NKX6-1: variants seen among roughly 807,000 people sequenced by gnomAD.
NKX6-1 encodes NK6 homeobox 1, also known as homeobox protein Nkx-6.1.
In NKX6-1, 11 loss-of-function variants were observed where a neutral mutation model predicts 24.9. That is an observed-to-expected ratio of 0.44 (90% CI 0.28 to 0.73). The LOEUF is 0.73. NKX6-1 is among the 30% of genes least tolerant of loss of function. The pLI, the probability that NKX6-1 is intolerant of heterozygous loss-of-function variation, is 0.15. For missense variants in NKX6-1, 487 were observed against 502.9 expected (o/e 0.97, Z 0.30); for synonymous variants, 277 against 242.9 (o/e 1.14, Z -1.31).
In NKX6-1 at chr4:84,493,417, A is replaced by G; in HGVS notation, c.976T>C (p.Tyr326His). Residue 326 changes from tyrosine (Y) to histidine (H), a missense_variant, in exon 3 of 3, where the codon TAC (tyrosine) becomes CAC (histidine). This residue lies in a region of NKX6-1 where 126 missense variants were observed against 105.5 expected (regional missense o/e 1.19). Transcript: ENST00000295886. This position sits in a 1 kb window ranked among gnomAD's most constrained non-coding sequence, Gnocchi z 5.1. ...ASENEEEDDDYNKPLDPNSDD... is the reference protein window; with the variant it reads ...ASENEEEDDDHNKPLDPNSDD... ...GAGTTGGGATCCAGAGGCTTATTGT[A>G]GTCGTCGTCCTCTTCCTCGTTCTCC... 1 of 1,614,214 alleles carries G rather than the reference A, an allele frequency of 6.2e-7. No individual in the cohort carries two copies. The highest frequency in any genetic ancestry group is 8.5e-7 in the Non-Finnish European group (1 of 1,180,036).
chr4:84,495,468 G>A (rs1229775114), intron 2 of NKX6-1, among the ~76,000 whole-genome samples: 1 of 152,160 alleles, frequency 6.6e-6, no homozygotes, highest in Non-Finnish European at 1.5e-5. Flanking sequence ...TTCATCAAGA[G>A]TTTGCCCGCC....
Position 84,497,689 on chromosome 4 carries a change from G to C in NKX6-1, c.540C>G (p.Ser180Arg), listed in dbSNP as rs940981713. ...PPPPGLYFSPSAAAVAAVGRY... is the reference protein window; with the variant it reads ...PPPPGLYFSPRAAAVAAVGRY... ...GGCCCACGGCGGCCACGGCCGCGGC[G>C]CTGGGGCTGAAGTAGAGCCCGGGCG... Residue 180 changes from serine to arginine, a missense_variant, in exon 1 of 3, where the codon AGC (serine) becomes AGG (arginine). Physicochemically the swap from Ser to Arg is moderately radical, Grantham distance 110 (BLOSUM62 -1). Around this residue, in one of 3 missense-constraint regions of NKX6-1, gnomAD observed 316 missense variants for 311.4 expected, o/e 1.01. Transcript: ENST00000295886. The surrounding 1 kb of genome is among the most constrained non-coding windows in gnomAD (Gnocchi z 4.8). The C allele has an allele frequency of 7.9e-7, 1 of 1,271,860 alleles. No homozygotes were observed. The highest frequency in any genetic ancestry group is 9.9e-7 in the Non-Finnish European group (1 of 1,005,420). 78.8% of individuals were successfully genotyped at this position (1,271,860 alleles called of 1,614,324 possible).
At position 84,497,346 on chromosome 4, in the gene NKX6-1, G is replaced by A. The variant is rs566112838; in HGVS notation, c.670+213C>T. Among the ~76,000 whole-genome samples the A allele has an allele frequency of 9.5e-4, 145 of 152,318 alleles. No individual in the cohort carries two copies. Among genetic ancestry groups the A allele is most frequent in the Middle Eastern group, 3.4e-3 (1 of 294 alleles). On this transcript the variant is annotated intron_variant, in intron 1 of 2. Coordinates refer to ENST00000295886, the MANE Select transcript of NKX6-1 (RefSeq NM_006168.3). This position sits in a 1 kb window ranked among gnomAD's most constrained non-coding sequence, Gnocchi z 4.8. The stretch of plus-strand genomic sequence containing the variant: ...AGGCGTACTCAAGACTTAGAGAGAG[G>A]GAGGCGCTTGGATACAGCCACGCGA...
Position 84,493,565 on chromosome 4 carries a change from A to G in NKX6-1, c.844-16T>C. 6.2e-7 allele frequency: 1 copy of G among 1,613,188 alleles called. No homozygotes were observed. The highest frequency in any genetic ancestry group is 1.1e-5 in the South Asian group (1 of 91,018). ...GGAACCAGACCTGAGGGCGGAGAAAAGGGAGGAGAGGGGAGGCAAGGGCGA... is the reference window on the plus strand; with the variant it reads ...GGAACCAGACCTGAGGGCGGAGAAAGGGGAGGAGAGGGGAGGCAAGGGCGA... On this transcript the variant is annotated splice_polypyrimidine_tract_variant and intron_variant, in intron 2 of 2. Transcript: ENST00000295886. This position sits in a 1 kb window ranked among gnomAD's most constrained non-coding sequence, Gnocchi z 5.1.
Position 84,493,575 on chromosome 4 carries a change from G to C in NKX6-1, c.844-26C>G, listed in dbSNP as rs201800678. 6 of 1,612,572 alleles carry C rather than the reference G, an allele frequency of 3.7e-6. No homozygotes were observed. In the Admixed American group the frequency reaches 6.7e-5, roughly 18 times the overall value. On this transcript the variant is annotated intron_variant, in intron 2 of 2. Transcript: ENST00000295886. This position sits in a 1 kb window ranked among gnomAD's most constrained non-coding sequence, Gnocchi z 5.1. ...CTGAGGGCGGAGAAAAGGGAGGAGA[G>C]GGGAGGCAAGGGCGAGGAATTAAAC...
chr4:84,498,529 T>G lies in NKX6-1; in HGVS notation c.-301A>C. The G allele has an allele frequency of 2.9e-6, 1 of 350,536 alleles. No individual in the cohort carries two copies. 21.7% of individuals were successfully genotyped at this position (350,536 alleles called of 1,614,324 possible). On this transcript the variant is annotated 5_prime_UTR_variant, in exon 1 of 3. Coordinates refer to ENST00000295886, the MANE Select transcript of NKX6-1 (RefSeq NM_006168.3). ...AGATTCGATCCCTGGCTATTCTCTC[T>G]TCCTCACTTTTCCTAGCTGTTCAAA...
Position 84,498,345 on chromosome 4 carries a change from C to A in NKX6-1, c.-117G>T. On this transcript the variant is annotated 5_prime_UTR_variant, in exon 1 of 3. Coordinates refer to ENST00000295886, the MANE Select transcript of NKX6-1 (RefSeq NM_006168.3). Reference sequence around the variant, plus strand: ...CGAGCGGAGAGGCACTCGGCGCGCCCGGAGGCGAGCTGCCAACTGAACCAA... The same window carrying A: ...CGAGCGGAGAGGCACTCGGCGCGCCAGGAGGCGAGCTGCCAACTGAACCAA... 2 of 1,154,646 alleles carry A rather than the reference C, an allele frequency of 1.7e-6. No individual in the cohort carries two copies. Among genetic ancestry groups the A allele is most frequent in the Non-Finnish European group, 2.2e-6 (2 of 914,962 alleles). 71.5% of individuals were successfully genotyped at this position (1,154,646 alleles called of 1,614,324 possible).
At position 84,497,576 on chromosome 4, in the gene NKX6-1, C is replaced by A. The variant is rs199629267; in HGVS notation, c.653G>T (p.Arg218Leu). 1.6e-6 allele frequency: 2 copies of A among 1,265,994 alleles called. No homozygotes were observed. The highest frequency in any genetic ancestry group is 2.0e-6 in the Non-Finnish European group (2 of 999,722). The allele number at this position is 1,265,994 out of a possible 1,614,324, so 78.4% of individuals were successfully genotyped here. The stretch of plus-strand genomic sequence containing the variant: ...GTACTCACGAGGGGTACAGGCCAGG[C>A]GTGCGTCCCTCCAGGGCGGGCTCTG... The part of the protein sequence containing the change: ...VMQSPPWRDA[R>L]LACTPHQGSI... The change falls in exon 1 of 3, where the codon CGC becomes CTC. Residue 218 changes from arginine (R) to leucine (L), a missense_variant. By Grantham distance (102) the Arg-to-Leu change is moderately radical. This residue lies in a region of NKX6-1 where 316 missense variants were observed against 311.4 expected (regional missense o/e 1.01). Transcript: ENST00000295886. This position sits in a 1 kb window ranked among gnomAD's most constrained non-coding sequence, Gnocchi z 4.8.
In NKX6-1 at chr4:84,498,049, G is replaced by GGGCGACGAGGAGGAC; in HGVS notation, c.165_179dup (p.Ser57_Ser61dup). 1 of 1,255,110 alleles carries GGGCGACGAGGAGGAC rather than the reference G, an allele frequency of 8.0e-7. No individual in the cohort carries two copies. The highest frequency in any genetic ancestry group is 3.0e-5 in the East Asian group (1 of 33,164). The allele number at this position is 1,255,110 out of a possible 1,614,324, so 77.7% of individuals were successfully genotyped here. ...GGTTGTGGGTGCCCAGAGGCGGGGA[G>GGGCGACGAGGAGGAC]GGCGACGAGGAGGACGACGACGAGG... On this transcript the variant is annotated inframe_insertion, in exon 1 of 3. Transcript: ENST00000295886.
chr4:84,495,185 T>C (rs1720793215), intron 2 of NKX6-1, among the ~76,000 whole-genome samples: 1 of 152,222 alleles, frequency 6.6e-6, no homozygotes, highest in African/African-American at 2.4e-5. Context: ...GGTTAGATCC[T>C]GTGGATTTAT....
chr4:84,497,686 G>A lies in NKX6-1; in HGVS notation c.543C>T (p.Ala181=). The A allele has an allele frequency of 7.9e-7, 1 of 1,270,590 alleles. No homozygotes were observed. Among genetic ancestry groups the A allele is most frequent in the Non-Finnish European group, 1.0e-6 (1 of 1,004,370 alleles). The allele number at this position is 1,270,590 out of a possible 1,614,324, so 78.7% of individuals were successfully genotyped here. ...PPPGLYFSPS[A]AAVAAVGRYP... is the part of the protein sequence containing the mutation. ...ACCGGCCCACGGCGGCCACGGCCGC[G>A]GCGCTGGGGCTGAAGTAGAGCCCGG... Residue 181 remains alanine, a synonymous_variant, in exon 1 of 3, where the codon GCC becomes GCT. Coordinates refer to ENST00000295886, the MANE Select transcript of NKX6-1 (RefSeq NM_006168.3). The surrounding 1 kb of genome is among the most constrained non-coding windows in gnomAD (Gnocchi z 4.8).
rs750251072 is a variant in NKX6-1 at position 84,493,472 on chromosome 4, G to A, written c.921C>T (p.Asp307=). The change falls in exon 3 of 3, where the codon GAC becomes GAT. Residue 307 remains aspartate, a synonymous_variant. Transcript: ENST00000295886. The surrounding 1 kb of genome is among the most constrained non-coding windows in gnomAD (Gnocchi z 5.1). ...AEMATAKKKQ[D]SETERLKGAS... ...CCCCCTTGAGGCGCTCTGTCTCCGA[G>A]TCCTGCTTCTTCTTGGCCGTGGCCA... The A allele has an allele frequency of 6.2e-7, 1 of 1,614,256 alleles. No individual in the cohort carries two copies. The highest frequency in any genetic ancestry group is 1.7e-5 in the Admixed American group (1 of 60,032).
Position 84,498,381 on chromosome 4 carries a change from G to A in NKX6-1, c.-153C>T. 1.3e-6 allele frequency: 1 copy of A among 774,058 alleles called. No individual in the cohort carries two copies. Among genetic ancestry groups the A allele is most frequent in the Non-Finnish European group, 1.8e-6 (1 of 570,040 alleles). 47.9% of individuals were successfully genotyped at this position (774,058 alleles called of 1,614,324 possible). On this transcript the variant is annotated 5_prime_UTR_variant, in exon 1 of 3. Transcript: ENST00000295886. ...TGCCAACTGAACCAAAAATGCCGCT[G>A]CCGGGAGTTGCTCGCCTAGCTGCGC...
In NKX6-1 at chr4:84,495,827, A is replaced by G; in HGVS notation, c.688T>C (p.Leu230=). 1 of 1,614,220 alleles carries G rather than the reference A, an allele frequency of 6.2e-7. No homozygotes were observed. The highest frequency in any genetic ancestry group is 8.5e-7 in the Non-Finnish European group (1 of 1,180,024). ...TGTTTTCTCTTCCCGTCTTTGTCCA[A>G]CAAAATGGATCCTTGATCTGTGAGA... ...ACTPHQGSIL[L]DKDGKRKHTR... Residue 230 remains leucine (L), a synonymous_variant, in exon 2 of 3, where the codon TTG becomes CTG. Coordinates refer to ENST00000295886, the MANE Select transcript of NKX6-1 (RefSeq NM_006168.3).
In NKX6-1 at chr4:84,498,751, T is replaced by G. The variant is rs538831800; in HGVS notation, c.-523A>C. ...CTCCTCTGATCTTACTGGGATGCTC[T>G]GCTCTTTCGGTCGCGCGGCTGATTC... On this transcript the variant is annotated 5_prime_UTR_variant, in exon 1 of 3. Coordinates refer to ENST00000295886, the MANE Select transcript of NKX6-1 (RefSeq NM_006168.3). Among the ~76,000 whole-genome samples, 264 of 152,328 alleles carry G rather than the reference T, an allele frequency of 1.7e-3. No homozygotes were observed. The highest frequency in any genetic ancestry group is 6.0e-3 in the African/African-American group (250 of 41,592).
rs1208170219 is a variant in NKX6-1, at chr4:84,498,932, C to T, written c.-704G>A. 1.3e-5 allele frequency among the ~76,000 whole-genome samples: 2 copies of T among 152,214 alleles called. No individual in the cohort carries two copies. The highest frequency in any genetic ancestry group is 4.8e-5 in the African/African-American group (2 of 41,464). On this transcript the variant is annotated 5_prime_UTR_variant, in exon 1 of 3. Transcript: ENST00000295886. Reference sequence around the variant, plus strand: ...CGGCTCCCAGGTCCTCACCTCCACCCGCCTTGCCCTCTGGCCCACGGGGCA... The same window carrying T: ...CGGCTCCCAGGTCCTCACCTCCACCTGCCTTGCCCTCTGGCCCACGGGGCA...
chr4:84,498,580 C>T lies in NKX6-1; in HGVS notation c.-352G>A, dbSNP rs180709936. The T allele has an allele frequency of 3.9e-6, 1 of 256,556 alleles. No homozygotes were observed. Among genetic ancestry groups the T allele is most frequent in the East Asian group, 7.1e-5 (1 of 14,098 alleles). The allele number at this position is 256,556 out of a possible 1,614,324, so 15.9% of individuals were successfully genotyped here. A position where few individuals can be genotyped will look rare whatever the true frequency, so the allele number is the denominator to read the frequency against. On this transcript the variant is annotated 5_prime_UTR_variant, in exon 1 of 3. Transcript: ENST00000295886. ...GTGCGCTACTTCTCATCTTCTGCCC[C>T]CGGGAAATAAGCAAAACAAAACCCA...
At chr4:84,494,921 T>TTTATTTTTTAGGAAAA (rs2109986551) in intron 2 of NKX6-1, among the ~76,000 whole-genome samples, 1 of 152,328 alleles carries the variant, frequency 6.6e-6, no homozygotes, top group African/African-American at 2.4e-5. Context: ...GTTTAATCCC[T>TTTATTTTTTAGGAAAA]TTATTTTTTA....
At position 84,498,753 on chromosome 4, in the gene NKX6-1, C is replaced by G. The variant is rs1339759228; in HGVS notation, c.-525G>C. Among the ~76,000 whole-genome samples the G allele has an allele frequency of 1.3e-5, 2 of 152,196 alleles. No homozygotes were observed. The highest frequency in any genetic ancestry group is 2.9e-5 in the Non-Finnish European group (2 of 68,040). ...CCTCTGATCTTACTGGGATGCTCTG[C>G]TCTTTCGGTCGCGCGGCTGATTCGC... On this transcript the variant is annotated 5_prime_UTR_variant, in exon 1 of 3. Coordinates refer to ENST00000295886, the MANE Select transcript of NKX6-1 (RefSeq NM_006168.3).
Sources: allele counts gnomAD v4.1 joint callset (sites outside exome capture counted in the v4.1 genomes callset), GRCh38; gene constraint gnomAD v4.1.1; regional missense constraint gnomAD v4.1.1; non-coding constraint Gnocchi (gnomAD v3.1); transcripts MANE v1.5; gene names NCBI Gene and HGNC (gene_info 2026-07-23, HGNC 2026-07-21).